Variants in CNTN5 observed in about 807,000 individuals in gnomAD.
CNTN5 encodes contactin 5.
In CNTN5, 77 loss-of-function variants were observed where a neutral mutation model predicts 129.1. That is an observed-to-expected ratio of 0.60 (90% CI 0.50 to 0.72). The LOEUF is 0.72. Ranked by LOEUF, CNTN5 falls within the 30% of genes least tolerant of loss-of-function variation. The pLI, the probability that CNTN5 is intolerant of heterozygous loss-of-function variation, is 0.00. For missense variants in CNTN5, 1,478 were observed against 1,328.8 expected (o/e 1.11, Z -1.75); for synonymous variants, 509 against 465.6 (o/e 1.09, Z -1.20).
At chr11:100,247,853 G>C (rs1219837783) in intron 16 of CNTN5, among the ~76,000 whole-genome samples, 4 of 151,886 alleles carry the variant, frequency 2.6e-5, no homozygotes, top group African/African-American at 9.7e-5. Flanking sequence ...ACACAAACTG[G>C]TCCTTTGTAC....
chr11:99,846,129 GAC>G (rs10650307), intron 6 of CNTN5, among the ~76,000 whole-genome samples: 2,563 of 144,684 alleles, frequency 0.018, 49 homozygotes, highest in African/African-American at 0.046. Context: ...TACGGACATA[GAC>G]ACACACACAC....
At chr11:99,153,948 T>C (rs1860201609) in intron 1 of CNTN5, among the ~76,000 whole-genome samples, 1 of 151,546 alleles carries the variant, frequency 6.6e-6, no homozygotes, top group South Asian at 2.1e-4. Context: ...GGCTGCATCC[T>C]CTAACTCTGG....
chr11:99,908,047 T>C (rs1365945533), intron 6 of CNTN5, among the ~76,000 whole-genome samples: 1 of 152,048 alleles, frequency 6.6e-6, no homozygotes, highest in African/African-American at 2.4e-5. Flanking sequence ...ATGAAGTTTT[T>C]AGCATCTAGA....
intron 7 of CNTN5, among the ~76,000 whole-genome samples, chr11:99,919,569 C>T (rs1005011885): frequency 1.4e-4 from 22 of 152,028 alleles, no homozygotes; most frequent in African/African-American, 5.3e-4. Flanking sequence ...CTATTTTTGT[C>T]TCTACTCTCT....
chr11:99,301,815 G>T (rs1864653706), intron 1 of CNTN5, among the ~76,000 whole-genome samples: 1 of 151,678 alleles, frequency 6.6e-6, no homozygotes, highest in Non-Finnish European at 1.5e-5. Flanking sequence ...CTTCTAGATA[G>T]ACCGTAAGTT....
At chr11:99,954,592 C>A (rs1364053844) in intron 7 of CNTN5, among the ~76,000 whole-genome samples, 1 of 151,906 alleles carries the variant, frequency 6.6e-6, no homozygotes, top group African/African-American at 2.4e-5. Context: ...TCTCAGGTTA[C>A]AATGTAATAC....
intron 8 of CNTN5, among the ~76,000 whole-genome samples, chr11:99,986,661 C>T (rs1256031380): frequency 6.6e-6 from 1 of 152,174 alleles, no homozygotes; most frequent in East Asian, 1.9e-4. Context: ...CCTCCAACTT[C>T]CATCCTTTTT....
At chr11:100,049,241 G>C (rs1942838319) in intron 9 of CNTN5, among the ~76,000 whole-genome samples, 1 of 151,966 alleles carries the variant, frequency 6.6e-6, no homozygotes, top group African/African-American at 2.4e-5. Flanking sequence ...ATGTGTTAGA[G>C]GGTTTGTAAA....
intron 3 of CNTN5, among the ~76,000 whole-genome samples, chr11:99,720,981 C>G (rs1001772736): frequency 2.6e-5 from 4 of 150,968 alleles, no homozygotes; most frequent in African/African-American, 9.7e-5. Flanking sequence ...AAATAGACTC[C>G]TCAAAGAAGA....
intron 1 of CNTN5, among the ~76,000 whole-genome samples, chr11:99,055,444 T>A (rs899829218): frequency 1.2e-4 from 18 of 152,002 alleles, no homozygotes; most frequent in African/African-American, 4.1e-4. Context: ...TTTACTCTTA[T>A]TTCCTAGAAT....
intron 6 of CNTN5, among the ~76,000 whole-genome samples, chr11:99,880,110 T>C (rs1948733586): frequency 6.6e-6 from 1 of 152,234 alleles, no homozygotes; most frequent in African/African-American, 2.4e-5. Context: ...AGTTACATAT[T>C]ACATTTTCCC....
chr11:100,270,055 T>TGG (rs1565386610), intron 17 of CNTN5, among the ~76,000 whole-genome samples: 108 of 152,260 alleles, frequency 7.1e-4, no homozygotes, highest in African/African-American at 1.9e-3. Flanking sequence ...GGAACAGAGT[T>TGG]GTTTTTTGTT....
chr11:99,817,051 C>T (rs1367237509), intron 3 of CNTN5, among the ~76,000 whole-genome samples: 1 of 152,120 alleles, frequency 6.6e-6, no homozygotes, highest in Non-Finnish European at 1.5e-5. Context: ...ATGCGGGGAG[C>T]CCATAGGTCC....
chr11:99,437,324 A>C (rs1943638524), intron 2 of CNTN5, among the ~76,000 whole-genome samples: 1 of 152,150 alleles, frequency 6.6e-6, no homozygotes, highest in Non-Finnish European at 1.5e-5. Flanking sequence ...TATGTTTCTA[A>C]GATGCTCCTT....
chr11:99,899,126 AAG>A (rs1949285552), intron 6 of CNTN5, among the ~76,000 whole-genome samples: 1 of 152,006 alleles, frequency 6.6e-6, no homozygotes, highest in African/African-American at 2.4e-5. Flanking sequence ...AATCTTCTAG[AAG>A]AGTCTTTAGG....
At chr11:99,024,203 C>T (rs1245202605) in intron 1 of CNTN5, among the ~76,000 whole-genome samples, 1 of 152,110 alleles carries the variant, frequency 6.6e-6, no homozygotes, top group African/African-American at 2.4e-5. Flanking sequence ...TCCCTACCCA[C>T]TCAAGTAAGA....
chr11:99,049,782 C>T (rs1864354100), intron 1 of CNTN5: 1 of 152,034 alleles, frequency 6.6e-6, no homozygotes, highest in African/African-American at 2.4e-5. Context: ...TATATTTGGG[C>T]TCCTGTATAT....
At chr11:99,036,908 C>G (rs1230299432) in intron 1 of CNTN5, among the ~76,000 whole-genome samples, 1 of 152,092 alleles carries the variant, frequency 6.6e-6, no homozygotes, top group East Asian at 1.9e-4. Flanking sequence ...TTTCCTAGTC[C>G]CTTTACATAT....
intron 13 of CNTN5, among the ~76,000 whole-genome samples, chr11:100,155,507 C>G (rs191511407): frequency 2.8e-4 from 42 of 152,122 alleles, no homozygotes; most frequent in Middle Eastern, 3.4e-3. Context: ...TATATGGGCT[C>G]TTTTTTTGTT....
Sources: allele counts gnomAD v4.1 joint callset (sites outside exome capture counted in the v4.1 genomes callset), GRCh38; gene constraint gnomAD v4.1.1; transcripts MANE v1.5; gene names NCBI Gene and HGNC (gene_info 2026-07-23, HGNC 2026-07-21).